CNOT7: variants seen among roughly 807,000 people sequenced by gnomAD.
CNOT7 encodes the protein CCR4-NOT transcription complex subunit 7, also known as BTG1-binding factor 1.
In CNOT7, 4 loss-of-function variants were observed where a neutral mutation model predicts 37.1. The observed-to-expected ratio is 0.11, with a 90% CI of 0.05 to 0.25. The LOEUF is 0.25. Ranked by LOEUF, CNOT7 falls within the 10% of genes least tolerant of loss-of-function variation. The pLI, the probability that CNOT7 is intolerant of heterozygous loss-of-function variation, is 1.00. For missense variants in CNOT7, 170 were observed against 336.2 expected (o/e 0.51, Z 3.87); for synonymous variants, 128 against 115.6 (o/e 1.11, Z -0.69).
rs964627677 is a variant in CNOT7, at chr8:17,226,314, A to C, written c.*4406T>G. The C allele has an allele frequency of 1.3e-5, 2 of 151,486 alleles. No individual in the cohort carries two copies. Among genetic ancestry groups the C allele is most frequent in the Non-Finnish European group, 3.0e-5 (2 of 67,616 alleles). The allele number at this position is 151,486 out of a possible 1,614,324, so 9.4% of individuals were successfully genotyped here. Reference sequence around the variant, plus strand: ...GGTATCCCCTCATTGGAATAAATAGAAAATGTTAATCTGTTAATGCTGATG... The same window carrying C: ...GGTATCCCCTCATTGGAATAAATAGCAAATGTTAATCTGTTAATGCTGATG... On this transcript the variant is annotated 3_prime_UTR_variant, in exon 7 of 7. Coordinates refer to ENST00000361272, the MANE Select transcript of CNOT7 (RefSeq NM_013354.7).
chr8:17,240,821 T>C (rs1387714823), intron 3 of CNOT7, among the ~76,000 whole-genome samples: 5 of 152,194 alleles, frequency 3.3e-5, no homozygotes, highest in Non-Finnish European at 5.9e-5. Context: ...TATAAAAGGT[T>C]TTCAGTTTGA....
chr8:17,244,890 T>C (rs895716495), intron 2 of CNOT7, 146 bp downstream of exon 2: 21 of 656,466 alleles, frequency 3.2e-5, no homozygotes, highest in Admixed American at 8.3e-5. Context: ...TCCTGATGGA[T>C]TTTGGCTGGA....
chr8:17,239,453 C>T (rs76888043), intron 3 of CNOT7, among the ~76,000 whole-genome samples: 1 of 152,180 alleles, frequency 6.6e-6, no homozygotes, highest in African/African-American at 2.4e-5. Flanking sequence ...ACCCAAGGTG[C>T]CCTGTAATTT....
rs1015746905 is a variant in CNOT7 at position 17,227,882 on chromosome 8, C to G, written c.*2838G>C. The stretch of plus-strand genomic sequence containing the variant: ...GTAGCAGAAAAAGTAATAAATCTAG[C>G]AATACACAGGGCATTCCAAATGCTT... On this transcript the variant is annotated 3_prime_UTR_variant, in exon 7 of 7. Transcript: ENST00000361272. 8 of 151,810 alleles carry G rather than the reference C, an allele frequency of 5.3e-5. No homozygotes were observed. Among genetic ancestry groups the G allele is most frequent in the Non-Finnish European group, 1.2e-4 (8 of 67,778 alleles). The allele number at this position is 151,810 out of a possible 1,614,324, so 9.4% of individuals were successfully genotyped here.
chr8:17,240,464 C>T (rs1001252198), intron 3 of CNOT7, among the ~76,000 whole-genome samples: 2 of 152,044 alleles, frequency 1.3e-5, no homozygotes, highest in Non-Finnish European at 2.9e-5. Context: ...TTAGACACCC[C>T]TAGTGTAAAT....
At chr8:17,237,926 C>T (rs996080804) in intron 3 of CNOT7, among the ~76,000 whole-genome samples, 1 of 152,232 alleles carries the variant, frequency 6.6e-6, no homozygotes, top group Admixed American at 6.5e-5. Context: ...CAAATGCCTC[C>T]AATAAGCAAC....
Position 17,230,636 on chromosome 8 carries a change from ATTG to A in CNOT7, c.*81_*83del. On this transcript the variant is annotated 3_prime_UTR_variant, in exon 7 of 7. Transcript: ENST00000361272. ...GAAAGGGGGGGGAAAGGTACTGTCT[ATTG>A]TTCGAGGGATTCAACCAGAGATAAA... 1 of 1,220,744 alleles carries A rather than the reference ATTG, an allele frequency of 8.2e-7. No individual in the cohort carries two copies. The highest frequency in any genetic ancestry group is 1.1e-6 in the Non-Finnish European group (1 of 896,880). 75.6% of individuals were successfully genotyped at this position (1,220,744 alleles called of 1,614,324 possible).
chr8:17,233,657 G>A (rs1477187246), intron 5 of CNOT7, among the ~76,000 whole-genome samples: 2 of 152,114 alleles, frequency 1.3e-5, no homozygotes, highest in Admixed American at 1.3e-4. Context: ...TTCACAGGGT[G>A]GGCTGAATTT....
Position 17,232,445 on chromosome 8 carries a change from G to C in CNOT7, c.711C>G (p.Ala237=). The C allele has an allele frequency of 1.2e-6, 2 of 1,613,942 alleles. No individual in the cohort carries two copies. The highest frequency in any genetic ancestry group is 1.7e-6 in the Non-Finnish European group (2 of 1,179,950). ...TTCATACTTCTCTCATTTTGAAAAA[G>C]GCCATTCCTGTGAGCAATGAATCAG... The part of the protein sequence containing the change: ...AGSDSLLTGM[A]FFKMREMFFE... The change falls in exon 6 of 7, where the codon GCC becomes GCG. Residue 237 remains alanine (A), a synonymous_variant. Transcript: ENST00000361272.
rs1321033613 is a variant in CNOT7, at chr8:17,228,397, T to A, written c.*2323A>T. On this transcript the variant is annotated 3_prime_UTR_variant, in exon 7 of 7. Coordinates refer to ENST00000361272, the MANE Select transcript of CNOT7 (RefSeq NM_013354.7). ...CTTAGACCCAGTAAAAGTCAAAATGTTCCTCTACAAAAGTTACACTATACG... is the reference window on the plus strand; with the variant it reads ...CTTAGACCCAGTAAAAGTCAAAATGATCCTCTACAAAAGTTACACTATACG... The A allele has an allele frequency of 6.6e-6, 1 of 151,950 alleles. No individual in the cohort carries two copies. Among genetic ancestry groups the A allele is most frequent in the African/African-American group, 2.4e-5 (1 of 41,442 alleles). The allele number at this position is 151,950 out of a possible 1,614,324, so 9.4% of individuals were successfully genotyped here.
rs977660823 is a variant in CNOT7 at position 17,226,977 on chromosome 8, G to A, written c.*3743C>T. The A allele has an allele frequency of 2.7e-5, 4 of 149,978 alleles. No homozygotes were observed. Among genetic ancestry groups the A allele is most frequent in the African/African-American group, 7.3e-5 (3 of 41,056 alleles). The allele number at this position is 149,978 out of a possible 1,614,324, so 9.3% of individuals were successfully genotyped here. A position where few individuals can be genotyped will look rare whatever the true frequency, so the allele number is the denominator to read the frequency against. ...TGCTAAGCCATTGAACGCCTGTGTG[G>A]CAAATCAAATCAGGATATTCAGCTT... is the stretch of plus-strand genomic sequence containing the variant. On this transcript the variant is annotated 3_prime_UTR_variant, in exon 7 of 7. Transcript: ENST00000361272.
At chr8:17,231,565 GT>G (rs1808613037) in intron 6 of CNOT7, 1 of 985,050 alleles carries the variant, frequency 1.0e-6, no homozygotes, top group Middle Eastern at 5.2e-4. Flanking sequence ...GCTACAAAAA[GT>G]TTTAAATTCT....
rs1158376274 is a variant in CNOT7 at position 17,230,368 on chromosome 8, T to C, written c.*352A>G. Reference sequence around the variant, plus strand: ...AAGGGAGAGACGTGAAACAGGGAAATAAATTACAGTCAGTGCTAGTTAATT... The same window carrying C: ...AAGGGAGAGACGTGAAACAGGGAAACAAATTACAGTCAGTGCTAGTTAATT... On this transcript the variant is annotated 3_prime_UTR_variant, in exon 7 of 7. Transcript: ENST00000361272. 1 of 157,170 alleles carries C rather than the reference T, an allele frequency of 6.4e-6. No individual in the cohort carries two copies. Among genetic ancestry groups the C allele is most frequent in the Non-Finnish European group, 1.4e-5 (1 of 71,278 alleles). The allele number at this position is 157,170 out of a possible 1,614,324, so 9.7% of individuals were successfully genotyped here. A position where few individuals can be genotyped will look rare whatever the true frequency, so the allele number is the denominator to read the frequency against.
At position 17,240,351 on chromosome 8, in the gene CNOT7, G is replaced by GA. The variant is rs530665555; in HGVS notation, c.311+2640dup. Among the ~76,000 whole-genome samples, 365 of 142,450 alleles carry GA rather than the reference G, an allele frequency of 2.6e-3. 1 individual carries two copies. The highest frequency in any genetic ancestry group is 9.6e-3 in the African/African-American group (346 of 36,166). The allele number at this position is 142,450 out of a possible 152,430, so 93.5% of individuals were successfully genotyped here. A position where few individuals can be genotyped will look rare whatever the true frequency, so the allele number is the denominator to read the frequency against. On this transcript the variant is annotated intron_variant, in intron 3 of 6. Transcript: ENST00000361272. ...TGTCAACTTTCTTAAAACATTTTGA[G>GA]ATTTTTTTTTTTTTTAGCTCAACAG...
intron 3 of CNOT7, among the ~76,000 whole-genome samples, chr8:17,239,904 G>A (rs1809919387): frequency 6.6e-6 from 1 of 152,136 alleles, no homozygotes; most frequent in Non-Finnish European, 1.5e-5. Context: ...CAATTTTCAT[G>A]GATGTATCAA....
chr8:17,239,979 G>C (rs1809934786), intron 3 of CNOT7, among the ~76,000 whole-genome samples: 1 of 152,148 alleles, frequency 6.6e-6, no homozygotes, highest in Non-Finnish European at 1.5e-5. Context: ...TTAGGCAATA[G>C]AGAGAAAACA....
chr8:17,243,504 T>G (rs546620929), intron 2 of CNOT7: 1 of 502,214 alleles, frequency 2.0e-6, no homozygotes, highest in East Asian at 5.6e-5. Flanking sequence ...CATGAAATGA[T>G]GCTCACAGTA....
rs533313339 is a variant in CNOT7 at position 17,231,534 on chromosome 8, G to A, written c.730-686C>T. The A allele has an allele frequency of 5.1e-6, 5 of 984,946 alleles. No individual in the cohort carries two copies. In the Admixed American group the frequency reaches 2.5e-4, roughly 48 times the overall value. 61.0% of individuals were successfully genotyped at this position (984,946 alleles called of 1,614,324 possible). Reference sequence around the variant, plus strand: ...CACTACTTAGCAAAACAGCTTTAATGCTTTCTATTATCAATACATTGCTAC... The same window carrying A: ...CACTACTTAGCAAAACAGCTTTAATACTTTCTATTATCAATACATTGCTAC... On this transcript the variant is annotated intron_variant, in intron 6 of 6. Transcript: ENST00000361272.
At chr8:17,239,133 G>A (rs1380900997) in intron 3 of CNOT7, among the ~76,000 whole-genome samples, 4 of 152,162 alleles carry the variant, frequency 2.6e-5, no homozygotes, top group African/African-American at 7.2e-5. Flanking sequence ...GCTCACTGTA[G>A]CCTTGACCTC....
Sources: gnomAD v4.1 joint callset for allele counts (sites outside exome capture counted in the v4.1 genomes callset) on GRCh38, gnomAD v4.1.1 for gene constraint, MANE v1.5 for transcripts, NCBI Gene and HGNC (gene_info 2026-07-23, HGNC 2026-07-21) for gene names.